The following NKAIN2 variants were observed in gnomAD, a reference collection of about 807,000 sequenced individuals.
The protein encoded by NKAIN2 is sodium/potassium-transporting ATPase subunit beta-1-interacting protein 2.
NKAIN2 carries 14 observed loss-of-function variants against 32.6 expected under a neutral mutation model. The ratio of observed to expected loss-of-function variants is 0.43; its 90% confidence interval spans 0.28 to 0.67. The LOEUF is 0.67. Ranked by LOEUF, NKAIN2 falls within the 30% of genes least tolerant of loss-of-function variation. The pLI is 0.17. For missense variants in NKAIN2, 198 were observed against 258.3 expected, an observed-to-expected ratio of 0.77 and a Z score of 1.60; for synonymous variants, 80 against 87.2, an observed-to-expected ratio of 0.92 and a Z score of 0.46.
intron 3 of NKAIN2, among the ~76,000 whole-genome samples, chr6:124,624,526 G>C (rs960980948): frequency 7.2e-5 from 11 of 152,172 alleles, no homozygotes; most frequent in Admixed American, 3.3e-4. Flanking sequence ...TGGTGGGACA[G>C]TTTGAAGTGA....
chr6:123,928,485 C>T (rs1776109958), intron 1 of NKAIN2, among the ~76,000 whole-genome samples: 1 of 152,074 alleles, frequency 6.6e-6, no homozygotes, highest in East Asian at 1.9e-4. Context: ...CACTGGATTG[C>T]GTCTTTTACA....
intron 2 of NKAIN2, among the ~76,000 whole-genome samples, chr6:124,303,974 C>T (rs1017387605): frequency 2.0e-5 from 3 of 152,058 alleles, no homozygotes; most frequent in African/African-American, 7.2e-5. Flanking sequence ...AGTGAAAATG[C>T]CATTTACTGT....
intron 1 of NKAIN2, among the ~76,000 whole-genome samples, chr6:124,067,523 A>G (rs1220696605): frequency 2.6e-5 from 4 of 152,212 alleles, no homozygotes; most frequent in Admixed American, 6.5e-5. Context: ...TAATTACCAC[A>G]TTACAATAAG....
intron 3 of NKAIN2, among the ~76,000 whole-genome samples, chr6:124,470,090 G>A (rs1190521330): frequency 6.6e-6 from 1 of 152,152 alleles, no homozygotes; most frequent in Non-Finnish European, 1.5e-5. Flanking sequence ...GATGGGGGCA[G>A]GTCATGAGTG....
chr6:124,217,664 C>T (rs1347104996), intron 1 of NKAIN2, among the ~76,000 whole-genome samples: 1 of 152,076 alleles, frequency 6.6e-6, no homozygotes, highest in Non-Finnish European at 1.5e-5. Flanking sequence ...TTCCAATTGA[C>T]ATTCTCGACT....
At chr6:124,393,633 T>C (rs767255776) in intron 3 of NKAIN2, among the ~76,000 whole-genome samples, 55 of 152,244 alleles carry the variant, frequency 3.6e-4, no homozygotes, top group Non-Finnish European at 7.2e-4. Flanking sequence ...AAATGCCAGG[T>C]ACTGGTACAG....
chr6:123,825,536 A>C (rs1255980560), intron 1 of NKAIN2, among the ~76,000 whole-genome samples: 1 of 152,130 alleles, frequency 6.6e-6, no homozygotes, highest in Admixed American at 6.6e-5. Flanking sequence ...TTTGCCAACT[A>C]CTGTATGCCA....
intron 1 of NKAIN2, among the ~76,000 whole-genome samples, chr6:124,099,253 G>T (rs543657190): frequency 6.6e-6 from 1 of 152,050 alleles, no homozygotes; most frequent in African/African-American, 2.4e-5. Context: ...TTTAATTCCT[G>T]TAATAATATG....
intron 2 of NKAIN2, among the ~76,000 whole-genome samples, chr6:124,354,856 A>C (rs77790022): frequency 1.3e-5 from 2 of 150,146 alleles, no homozygotes; most frequent in African/African-American, 2.4e-5. Flanking sequence ...AAAAAAAAAA[A>C]AAAAAACTCA....
intron 3 of NKAIN2, among the ~76,000 whole-genome samples, chr6:124,574,242 T>C (rs548885910): frequency 1.3e-5 from 2 of 152,114 alleles, no homozygotes; most frequent in Non-Finnish European, 2.9e-5. Context: ...TGAGAAAGCT[T>C]AACATTTTAG....
At chr6:124,785,027 G>T (rs1779436397) in intron 4 of NKAIN2, among the ~76,000 whole-genome samples, 1 of 152,006 alleles carries the variant, frequency 6.6e-6, no homozygotes, top group African/African-American at 2.4e-5. Flanking sequence ...GACTTTTTCA[G>T]TGCTGACCTA....
intron 1 of NKAIN2, among the ~76,000 whole-genome samples, chr6:123,999,750 C>T (rs1390143602): frequency 6.6e-6 from 1 of 152,002 alleles, no homozygotes; most frequent in Non-Finnish European, 1.5e-5. Context: ...ACAGACATTT[C>T]CTGCGGGGAA....
At chr6:124,145,746 C>G (rs981445469) in intron 1 of NKAIN2, among the ~76,000 whole-genome samples, 4 of 152,070 alleles carry the variant, frequency 2.6e-5, no homozygotes, top group African/African-American at 9.7e-5. Context: ...ACCTCGTGAT[C>G]CACCCCCCTC....
At chr6:124,659,146 G>T (rs1784652182) in intron 4 of NKAIN2, among the ~76,000 whole-genome samples, 1 of 152,048 alleles carries the variant, frequency 6.6e-6, no homozygotes, top group Admixed American at 6.6e-5. Flanking sequence ...ATAAAGTTAA[G>T]GCAACTTTAT....
chr6:123,949,954 G>C (rs531718642), intron 1 of NKAIN2, among the ~76,000 whole-genome samples: 1 of 151,994 alleles, frequency 6.6e-6, no homozygotes, highest in South Asian at 2.1e-4. Context: ...TCTTCACTAA[G>C]TTGAGGTATG....
chr6:124,699,192 C>T (rs1163188142), intron 4 of NKAIN2, among the ~76,000 whole-genome samples: 1 of 152,122 alleles, frequency 6.6e-6, no homozygotes, highest in Non-Finnish European at 1.5e-5. Context: ...CACATGATGT[C>T]TGGGCCTGAG....
intron 1 of NKAIN2, among the ~76,000 whole-genome samples, chr6:124,183,238 G>T (rs1018181192): frequency 1.3e-5 from 2 of 152,014 alleles, no homozygotes; most frequent in African/African-American, 4.8e-5. Context: ...GGAAGTTGCA[G>T]TTATAAGCAA....
intron 3 of NKAIN2, among the ~76,000 whole-genome samples, chr6:124,479,279 G>A (rs1468065017): frequency 6.6e-6 from 1 of 152,096 alleles, no homozygotes; most frequent in African/African-American, 2.4e-5. Context: ...ATCATGTATC[G>A]ATATTGGTTC....
intron 3 of NKAIN2, among the ~76,000 whole-genome samples, chr6:124,533,710 G>C (rs981310500): frequency 3.9e-5 from 6 of 152,086 alleles, no homozygotes; most frequent in African/African-American, 1.4e-4. Flanking sequence ...TATATTTATG[G>C]GTTGTCTAGG....
Sources: gnomAD v4.1 joint callset for allele counts (sites outside exome capture counted in the v4.1 genomes callset) on GRCh38, gnomAD v4.1.1 for gene constraint, MANE v1.5 for transcripts, NCBI Gene and HGNC (gene_info 2026-07-23, HGNC 2026-07-21) for gene names.